GAD2: variants seen among roughly 807,000 people sequenced by gnomAD.
GAD2 encodes 65 kDa glutamic acid decarboxylase.
GAD2 carries 22 observed loss-of-function variants against 80.1 expected under a neutral mutation model. The ratio of observed to expected loss-of-function variants is 0.27; its 90% CI spans 0.20 to 0.39. GAD2 has a LOEUF of 0.39. Ranked by LOEUF, GAD2 falls within the 10% of genes least tolerant of loss-of-function variation. The pLI, the probability that GAD2 is intolerant of heterozygous loss-of-function variation, is 1.00. For synonymous variants in GAD2, 274 were observed against 256.9 expected (o/e 1.07, Z -0.64); for missense variants, 624 against 738.4 (o/e 0.85, Z 1.80).
At chr10:26,270,506 G>A (rs1197964350) in intron 9 of GAD2, 134 bp from the exon 10 acceptor site, 3 of 717,488 alleles carry the variant, frequency 4.2e-6, no homozygotes, top group Non-Finnish European at 5.0e-6. Flanking sequence ...ACCCCGGGGT[G>A]TCAGTAACTC....
At chr10:26,270,496 A>AC (rs1315789219) in intron 9 of GAD2, 144 bp from the exon 10 acceptor site, 5 of 693,898 alleles carry the variant, frequency 7.2e-6, no homozygotes, top group Non-Finnish European at 1.3e-5. Context: ...TTTGTCCCAG[A>AC]CCCCGGGGTG....
intron 10 of GAD2, among the ~76,000 whole-genome samples, chr10:26,271,306 A>T (rs1845134571): frequency 6.6e-6 from 1 of 152,224 alleles, no homozygotes; most frequent in African/African-American, 2.4e-5. Context: ...ATTATATTTG[A>T]AACGTTTTGA....
intron 8 of GAD2, among the ~76,000 whole-genome samples, chr10:26,246,598 TAAA>T (rs1172955953): frequency 6.6e-6 from 1 of 152,238 alleles, no homozygotes; most frequent in Non-Finnish European, 1.5e-5. Flanking sequence ...ATTCAGTCTC[TAAA>T]GTTTCATTAA....
At chr10:26,259,441 G>T (rs527645265) in intron 8 of GAD2, among the ~76,000 whole-genome samples, 16 of 151,752 alleles carry the variant, frequency 1.1e-4, no homozygotes, top group African/African-American at 3.6e-4. Flanking sequence ...TTTCATTGTG[G>T]TTTTCATTTG....
Position 26,300,851 on chromosome 10 carries a change from T to C in GAD2, c.1648T>C (p.Leu550=). 6.2e-7 allele frequency: 1 copy of C among 1,613,936 alleles called. No individual in the cohort carries two copies. The highest frequency in any genetic ancestry group is 8.5e-7 in the Non-Finnish European group (1 of 1,179,854). The change falls in exon 16 of 16, where the codon TTG becomes CTG. Residue 550 remains leucine, a synonymous_variant. Coordinates refer to ENST00000376261, the MANE Select transcript of GAD2 (RefSeq NM_001134366.2). Reference sequence around the variant, plus strand: ...AACCACAATGGTCAGCTACCAACCCTTGGGAGACAAGGTCAATTTCTTCCG... The same window carrying C: ...AACCACAATGGTCAGCTACCAACCCCTGGGAGACAAGGTCAATTTCTTCCG... The part of the protein sequence containing the change: ...YGTTMVSYQP[L]GDKVNFFRMV...
chr10:26,240,070 A>G (rs1844721337), intron 7 of GAD2, among the ~76,000 whole-genome samples: 2 of 152,224 alleles, frequency 1.3e-5, no homozygotes, highest in Non-Finnish European at 2.9e-5. Flanking sequence ...AATAATTGAT[A>G]TGGCTTTCCA....
chr10:26,238,884 T>C (rs1844707394), intron 7 of GAD2, among the ~76,000 whole-genome samples: 1 of 152,014 alleles, frequency 6.6e-6, no homozygotes, highest in South Asian at 2.1e-4. Context: ...TCTTAGGGTG[T>C]ACTGTATAGG....
chr10:26,260,654 G>T (rs8190697), intron 8 of GAD2, among the ~76,000 whole-genome samples: 1 of 152,040 alleles, frequency 6.6e-6, no homozygotes, highest in African/African-American at 2.4e-5. Context: ...CTTTCCAGAC[G>T]TAGAATTTCT....
At position 26,293,386 on chromosome 10, in the gene GAD2, C is replaced by T. The variant is rs1192898959; in HGVS notation, c.1584+395C>T. 2.6e-5 allele frequency among the ~76,000 whole-genome samples: 4 copies of T among 152,080 alleles called. No homozygotes were observed. In the East Asian group the frequency reaches 7.7e-4, roughly 29 times the overall value. On this transcript the variant is annotated intron_variant, in intron 15 of 15. Coordinates refer to ENST00000376261, the MANE Select transcript of GAD2 (RefSeq NM_001134366.2). ...AGAGATGGGGTTTCAATATGTTGGC[C>T]AGGCTGGTCTCGAACTCCTGACCTC...
intron 8 of GAD2, among the ~76,000 whole-genome samples, chr10:26,256,823 A>T (rs1844948735): frequency 1.3e-5 from 2 of 152,158 alleles, no homozygotes; most frequent in Non-Finnish European, 2.9e-5. Context: ...TGCAGTTAAT[A>T]AGTATCTTGC....
rs113492564 is a variant in GAD2 at position 26,230,425 on chromosome 10, T to TTTTGTTTGTTTG, written c.840+661_840+672dup. Among the ~76,000 whole-genome samples the TTTTGTTTGTTTG allele has an allele frequency of 5.3e-3, 800 of 151,802 alleles. 7 individuals are homozygous for TTTTGTTTGTTTG. Among genetic ancestry groups the TTTTGTTTGTTTG allele is most frequent in the African/African-American group, 0.018 (751 of 41,416 alleles). On this transcript the variant is annotated intron_variant, in intron 7 of 15. Transcript: ENST00000376261. ...TCTGCCCTCATGGTGCCTTGAGCCT[T>TTTTGTTTGTTTG]TTTGTTTGTTTGTTTGTTTGTTTGA...
intron 14 of GAD2, 124 bp downstream of exon 14, chr10:26,292,696 G>A (rs910434313): frequency 1.2e-5 from 10 of 865,800 alleles, no homozygotes; most frequent in Admixed American, 5.9e-5. Flanking sequence ...AGTGGATGAC[G>A]GGGTAGCTAT....
intron 7 of GAD2, among the ~76,000 whole-genome samples, chr10:26,236,955 G>A (rs1844679394): frequency 6.6e-6 from 1 of 152,188 alleles, no homozygotes; most frequent in Non-Finnish European, 1.5e-5. Flanking sequence ...CAATAGGTAA[G>A]ACCTCCCCAT....
chr10:26,286,032 G>C (rs1362094015), intron 12 of GAD2, among the ~76,000 whole-genome samples: 1 of 152,094 alleles, frequency 6.6e-6, no homozygotes, highest in Non-Finnish European at 1.5e-5. Context: ...ATATGCTCTG[G>C]TTGTGATTTT....
chr10:26,291,142 A>G (rs1423572876), intron 13 of GAD2, among the ~76,000 whole-genome samples: 1 of 152,256 alleles, frequency 6.6e-6, no homozygotes, highest in African/African-American at 2.4e-5. Context: ...GTCATGCCAT[A>G]TCCTAGATCA....
Position 26,216,900 on chromosome 10 carries a change from G to T in GAD2, c.76+15G>T. The T allele has an allele frequency of 1.2e-6, 2 of 1,600,512 alleles. No individual in the cohort carries two copies. Among genetic ancestry groups the T allele is most frequent in the East Asian group, 2.3e-5 (1 of 43,758 alleles). On this transcript the variant is annotated intron_variant, in intron 1 of 15. Transcript: ENST00000376261. This position sits in a 1 kb window ranked among gnomAD's most constrained non-coding sequence, Gnocchi z 4.7. ...TCCCGGCACAGGTAGGAAGGAGAAC[G>T]GGGGCCTGCGGCGGGCGAGTTTTGC... is the stretch of plus-strand genomic sequence containing the variant.
chr10:26,263,470 TC>T (rs1589147531), intron 8 of GAD2, among the ~76,000 whole-genome samples: 2 of 152,334 alleles, frequency 1.3e-5, no homozygotes, highest in East Asian at 1.9e-4. Flanking sequence ...CATGTTGGTA[TC>T]AGCTATGTAA....
At chr10:26,274,989 G>A (rs535039414) in intron 11 of GAD2, among the ~76,000 whole-genome samples, 1 of 152,318 alleles carries the variant, frequency 6.6e-6, no homozygotes, top group South Asian at 2.1e-4. Flanking sequence ...AGTGGATGAG[G>A]GCAGGTGTGT....
rs561824482 is a variant in GAD2, at chr10:26,300,833, A to T, written c.1630A>T (p.Met544Leu). 1 of 1,613,890 alleles carries T rather than the reference A, an allele frequency of 6.2e-7. No individual in the cohort carries two copies. The highest frequency in any genetic ancestry group is 1.3e-5 in the African/African-American group (1 of 75,038). Residue 544 changes from methionine (M) to leucine (L), a missense_variant, in exon 16 of 16, where the codon ATG becomes TTG. Coordinates refer to ENST00000376261, the MANE Select transcript of GAD2 (RefSeq NM_001134366.2). ...KARMMEYGTT[M>L]VSYQPLGDKV... ...CAGAATGATGGAGTATGGAACCACA[A>T]TGGTCAGCTACCAACCCTTGGGAGA...
Sources: allele counts gnomAD v4.1 joint callset (sites outside exome capture counted in the v4.1 genomes callset), GRCh38; gene constraint gnomAD v4.1.1; non-coding constraint Gnocchi (gnomAD v3.1); transcripts MANE v1.5; gene names NCBI Gene and HGNC (gene_info 2026-07-23, HGNC 2026-07-21).